The following KCNN2 variants were observed in gnomAD, a reference collection of about 807,000 sequenced individuals.
KCNN2 encodes small conductance calcium-activated potassium channel protein 2.
A neutral mutation model predicts 55.5 loss-of-function variants in KCNN2; 24 were observed. The ratio of observed to expected loss-of-function variants is 0.43; its 90% CI spans 0.31 to 0.61. KCNN2 has a LOEUF of 0.61. Ranked by LOEUF, KCNN2 falls within the 20% of genes least tolerant of loss-of-function variation. The probability of loss-of-function intolerance (pLI) is 0.08; values close to 1 mark genes in which losing one functional copy is unlikely to be tolerated. For synonymous variants in KCNN2, 431 were observed against 336.1 expected (o/e 1.28, Z -3.09); for missense variants, 754 against 853.6 (o/e 0.88, Z 1.45).
chr5:114,072,645 C>T (rs79541241), intron 1 of KCNN2, among the ~76,000 whole-genome samples: 6,418 of 152,212 alleles, frequency 0.042, 450 homozygotes, highest in African/African-American at 0.15. Flanking sequence ...ACAGAACAGA[C>T]TAAGACAGCA....
At chr5:114,341,514 A>C (rs567391031) in intron 2 of KCNN2, among the ~76,000 whole-genome samples, 1 of 152,110 alleles carries the variant, frequency 6.6e-6, no homozygotes, top group East Asian at 1.9e-4. Context: ...TCACAACCAG[A>C]TTATCACTAA....
chr5:114,259,028 T>G (rs776926604), intron 2 of KCNN2, among the ~76,000 whole-genome samples: 7 of 152,188 alleles, frequency 4.6e-5, no homozygotes, highest in African/African-American at 1.7e-4. Flanking sequence ...CCACTATGGT[T>G]GTGTCTATAG....
At chr5:114,183,466 C>G (rs1753275942) in intron 1 of KCNN2, among the ~76,000 whole-genome samples, 1 of 152,020 alleles carries the variant, frequency 6.6e-6, no homozygotes. Flanking sequence ...TCTTGAAAAA[C>G]TATCTTAGCA....
chr5:114,462,751 C>T (rs1024710552), intron 3 of KCNN2, among the ~76,000 whole-genome samples: 13 of 152,170 alleles, frequency 8.5e-5, no homozygotes, highest in South Asian at 4.1e-4. Flanking sequence ...TGACGAGACA[C>T]GGGCAGGGGC....
At chr5:114,487,482 C>T (rs553054755) in intron 6 of KCNN2, among the ~76,000 whole-genome samples, 1 of 152,204 alleles carries the variant, frequency 6.6e-6, no homozygotes, top group South Asian at 2.1e-4. Context: ...ATAGTTTGCT[C>T]TAGGATTTTT....
At chr5:114,161,535 T>G (rs190038011) in intron 1 of KCNN2, among the ~76,000 whole-genome samples, 4,686 of 152,104 alleles carry the variant, frequency 0.031, 253 homozygotes, top group African/African-American at 0.11. Flanking sequence ...TTTCCTGAAT[T>G]TGAATGTTGG....
intron 2 of KCNN2, among the ~76,000 whole-genome samples, chr5:114,397,736 CAGAT>C (rs1758663204): frequency 6.6e-6 from 1 of 152,094 alleles, no homozygotes; most frequent in African/African-American, 2.4e-5. Context: ...TAACTGGTGT[CAGAT>C]AGTATCTCAT....
At chr5:114,285,655 T>G (rs1040961510) in intron 2 of KCNN2, among the ~76,000 whole-genome samples, 1 of 152,140 alleles carries the variant, frequency 6.6e-6, no homozygotes, top group Non-Finnish European at 1.5e-5. Flanking sequence ...AATAATTAAT[T>G]TGATGTGAAT....
intron 1 of KCNN2, among the ~76,000 whole-genome samples, chr5:114,179,841 G>A (rs116201638): frequency 2.5e-3 from 376 of 152,106 alleles, no homozygotes; most frequent in African/African-American, 8.7e-3. Flanking sequence ...TTCTCACACC[G>A]TGATAGAGAC....
chr5:114,399,141 C>T (rs1378406810), intron 2 of KCNN2, among the ~76,000 whole-genome samples: 2 of 152,090 alleles, frequency 1.3e-5, no homozygotes, highest in Non-Finnish European at 2.9e-5. Context: ...GGGAATGCTT[C>T]CAGCTTTAGC....
intron 1 of KCNN2, among the ~76,000 whole-genome samples, chr5:114,117,941 G>A (rs1751740918): frequency 6.6e-6 from 1 of 152,116 alleles, no homozygotes; most frequent in African/African-American, 2.4e-5. Flanking sequence ...GCTCAGGGAG[G>A]TGAACTGGTT....
chr5:114,404,395 A>G lies in KCNN2; in HGVS notation c.1219-43A>G, dbSNP rs1220008211. On this transcript the variant is annotated intron_variant, in intron 2 of 7. Coordinates refer to ENST00000673685, the MANE Select transcript of KCNN2 (RefSeq NM_021614.4). The stretch of plus-strand genomic sequence containing the variant: ...AAATCTGCACTAACACTTGTGGACC[A>G]TTCATGCCATACTGAAGCTGATTTT... 6 of 1,533,972 alleles carry G rather than the reference A, an allele frequency of 3.9e-6. 1 individual carries two copies. In the Middle Eastern group the frequency reaches 5.9e-4, roughly 151 times the overall value.
intron 1 of KCNN2, among the ~76,000 whole-genome samples, chr5:114,102,923 CT>C (rs1307410577): frequency 1.3e-5 from 2 of 152,064 alleles, no homozygotes; most frequent in Non-Finnish European, 2.9e-5. Context: ...TATATGGGCT[CT>C]TTTTTGGTTT....
At chr5:114,204,526 G>T (rs1194369308) in intron 1 of KCNN2, among the ~76,000 whole-genome samples, 3 of 152,152 alleles carry the variant, frequency 2.0e-5, no homozygotes, top group Non-Finnish European at 4.4e-5. Context: ...AACTTCTTCT[G>T]ATGTAAACAC....
At chr5:114,207,377 A>C (rs1580618931) in intron 1 of KCNN2, among the ~76,000 whole-genome samples, 1 of 152,334 alleles carries the variant, frequency 6.6e-6, no homozygotes, top group Non-Finnish European at 1.5e-5. Context: ...GGAAGAATAG[A>C]AAATGGTATA....
intron 2 of KCNN2, among the ~76,000 whole-genome samples, chr5:114,369,861 C>G (rs1031875530): frequency 6.6e-6 from 1 of 151,958 alleles, no homozygotes; most frequent in African/African-American, 2.4e-5. Flanking sequence ...AGTATCCAAC[C>G]TGTTTCTGGG....
intron 1 of KCNN2, among the ~76,000 whole-genome samples, chr5:114,210,574 A>G (rs1753862789): frequency 1.3e-5 from 2 of 152,216 alleles, no homozygotes; most frequent in South Asian, 4.1e-4. Context: ...CTTTTCATGT[A>G]TATACCATTG....
chr5:114,340,447 GAC>G (rs1756995520), intron 2 of KCNN2, among the ~76,000 whole-genome samples: 2 of 151,920 alleles, frequency 1.3e-5, no homozygotes, highest in South Asian at 4.2e-4. Flanking sequence ...CACACACATA[GAC>G]ACACACATTT....
At chr5:114,099,408 T>C (rs1488176651) in intron 1 of KCNN2, among the ~76,000 whole-genome samples, 2 of 152,130 alleles carry the variant, frequency 1.3e-5, no homozygotes, top group East Asian at 3.9e-4. Context: ...AGGAGAAAAA[T>C]TGCTTGACCA....
Sources: gnomAD v4.1 joint callset for allele counts (sites outside exome capture counted in the v4.1 genomes callset) on GRCh38, gnomAD v4.1.1 for gene constraint, MANE v1.5 for transcripts, NCBI Gene and HGNC (gene_info 2026-07-23, HGNC 2026-07-21) for gene names.